The following PLXNA4 variants were observed in gnomAD, a reference collection of about 807,000 sequenced individuals.
PLXNA4 encodes plexin-A4.
In PLXNA4, 44 loss-of-function variants were observed where a neutral mutation model predicts 191.8. That is an observed-to-expected ratio of 0.23 (90% CI 0.18 to 0.29). The LOEUF is 0.29. PLXNA4 is among the 10% of genes least tolerant of loss of function. PLXNA4 has a pLI of 1.00. For missense variants in PLXNA4, 1,800 were observed against 2,488.8 expected (o/e 0.72, Z 5.89); for synonymous variants, 1,082 against 1,009.5 (o/e 1.07, Z -1.36).
rs570948114 is a variant in PLXNA4 at position 132,476,122 on chromosome 7, A to G, written c.1371+13170T>C. Among the ~76,000 whole-genome samples, 7 of 152,238 alleles carry G rather than the reference A, an allele frequency of 4.6e-5. No homozygotes were observed. The South Asian group carries it at 1.5e-3, about 32-fold the overall frequency. On this transcript the variant is annotated intron_variant, in intron 3 of 31. Transcript: ENST00000321063. Reference sequence around the variant, plus strand: ...TGGGTGTTTGTGCATGTTTATGACTATGGATGTGTGTATGGAGAGGGGATA... The same window carrying G: ...TGGGTGTTTGTGCATGTTTATGACTGTGGATGTGTGTATGGAGAGGGGATA...
chr7:132,140,515 T>G, intron 30 of PLXNA4, 84 bp downstream of exon 30: 1 of 1,538,700 alleles, frequency 6.5e-7, no homozygotes, highest in South Asian at 1.2e-5. Context: ...CACAGCTGGT[T>G]TTTGATGGGG....
At chr7:132,422,862 C>A (rs1257887751) in intron 3 of PLXNA4, among the ~76,000 whole-genome samples, 2 of 152,178 alleles carry the variant, frequency 1.3e-5, no homozygotes, top group Non-Finnish European at 2.9e-5. Flanking sequence ...CTGGATAACC[C>A]CAGAAGATGG....
intron 3 of PLXNA4, among the ~76,000 whole-genome samples, chr7:132,425,312 A>C (rs775401842): frequency 2.0e-5 from 3 of 152,184 alleles, no homozygotes; most frequent in Admixed American, 6.5e-5. Flanking sequence ...AAAAGTCATA[A>C]ATTTCTAACT....
chr7:132,557,874 T>C (rs1800871044), intron 1 of PLXNA4, among the ~76,000 whole-genome samples: 1 of 152,082 alleles, frequency 6.6e-6, no homozygotes, highest in Admixed American at 6.6e-5. Context: ...CCCTCTACTG[T>C]CCTACCATTC....
chr7:132,324,012 A>T (rs1156854044), intron 3 of PLXNA4, among the ~76,000 whole-genome samples: 1 of 152,178 alleles, frequency 6.6e-6, no homozygotes, highest in Admixed American at 6.5e-5. Flanking sequence ...CTAGGCAGGG[A>T]TCATCAGAGA....
intron 1 of PLXNA4, among the ~76,000 whole-genome samples, chr7:132,536,524 C>T (rs1163989488): frequency 1.3e-5 from 2 of 152,192 alleles, no homozygotes; most frequent in Admixed American, 1.3e-4. Flanking sequence ...TCCTTCAGCC[C>T]CTGCAGGGCC....
chr7:132,393,683 G>C (rs1793619787), intron 3 of PLXNA4, among the ~76,000 whole-genome samples: 2 of 152,214 alleles, frequency 1.3e-5, no homozygotes, highest in South Asian at 4.1e-4. Context: ...AGACAAAAGA[G>C]TAAGTAGACA....
intron 3 of PLXNA4, among the ~76,000 whole-genome samples, chr7:132,343,256 G>A (rs1426512921): frequency 6.6e-6 from 1 of 152,088 alleles, no homozygotes; most frequent in Non-Finnish European, 1.5e-5. Flanking sequence ...ACATAAAATT[G>A]ACCATCTTAA....
intron 3 of PLXNA4, among the ~76,000 whole-genome samples, chr7:132,450,643 C>T (rs2021781): frequency 0.7 from 106,604 of 152,180 alleles, 43,424 homozygotes; most frequent in Non-Finnish European, 0.91. Flanking sequence ...CTGAAGTCAA[C>T]GGTGGCATCA....
intron 3 of PLXNA4, among the ~76,000 whole-genome samples, chr7:132,461,006 T>C (rs1025218337): frequency 1.3e-5 from 2 of 152,060 alleles, no homozygotes; most frequent in Non-Finnish European, 2.9e-5. Context: ...TGAGATAGAT[T>C]TACCAAAAGG....
intron 3 of PLXNA4, among the ~76,000 whole-genome samples, chr7:132,340,135 CTG>C (rs1053342056): frequency 3.9e-5 from 6 of 152,176 alleles, no homozygotes; most frequent in Admixed American, 3.9e-4. Context: ...CTGAGGGAGT[CTG>C]TGGCAGTTGA....
At chr7:132,148,993 A>C (rs1177326334) in intron 25 of PLXNA4, among the ~76,000 whole-genome samples, 1 of 152,242 alleles carries the variant, frequency 6.6e-6, no homozygotes, top group Non-Finnish European at 1.5e-5. Context: ...GCTTTGACAA[A>C]GCATGAGGCA....
intron 2 of PLXNA4, among the ~76,000 whole-genome samples, chr7:132,643,248 T>C (rs1803786460): frequency 6.6e-6 from 1 of 152,172 alleles, no homozygotes; most frequent in African/African-American, 2.4e-5. Flanking sequence ...TCTGGTATTG[T>C]TTTTCTGCTG....
intron 9 of PLXNA4, among the ~76,000 whole-genome samples, chr7:132,217,349 G>C (rs1797995589): frequency 6.6e-6 from 1 of 152,320 alleles, no homozygotes; most frequent in East Asian, 1.9e-4. Flanking sequence ...GAGAGAAAAG[G>C]CTGCCTTCAG....
rs201016198 is a variant in PLXNA4 at position 132,307,024 on chromosome 7, G to A, written c.1372-8802C>T. Among the ~76,000 whole-genome samples the A allele has an allele frequency of 2.6e-4, 40 of 152,252 alleles. No individual in the cohort carries two copies. The East Asian group carries it at 6.6e-3, about 25-fold the overall frequency. The stretch of plus-strand genomic sequence containing the variant: ...CAGAAAGGGGACCTTCCTTGTGGAA[G>A]AGCTGCCTAGTTTGCAGGCTGGTAG... On this transcript the variant is annotated intron_variant, in intron 3 of 31. Coordinates refer to ENST00000321063, the MANE Select transcript of PLXNA4 (RefSeq NM_020911.2).
In PLXNA4 at chr7:132,140,630, C is replaced by T; in HGVS notation, c.5407G>A (p.Asp1803Asn). The change falls in exon 30 of 32, where the codon GAC becomes AAC. Residue 1803 changes from aspartate to asparagine, a missense_variant. By Grantham distance (23) the Asp-to-Asn change is conservative. This residue lies in a region of PLXNA4 where 101 missense variants were observed against 182.8 expected (regional missense o/e 0.55). Coordinates refer to ENST00000321063, the MANE Select transcript of PLXNA4 (RefSeq NM_020911.2). ...ACCCAATTCTTGTAGCTGGGGATGT[C>T]CTTGGCATACAGCAGCTTGTTGGAG... Reference protein sequence around the residue: ...SPSNKLLYAKDIPSYKNWVER... With the variant: ...SPSNKLLYAKNIPSYKNWVER... The T allele has an allele frequency of 6.2e-7, 1 of 1,614,060 alleles. No homozygotes were observed. The highest frequency in any genetic ancestry group is 8.5e-7 in the Non-Finnish European group (1 of 1,180,012).
intron 2 of PLXNA4, among the ~76,000 whole-genome samples, chr7:132,611,565 C>T (rs910166775): frequency 3.9e-5 from 6 of 152,196 alleles, no homozygotes; most frequent in African/African-American, 1.4e-4. Flanking sequence ...CACGTCATAA[C>T]GTGCACCCAA....
chr7:132,233,784 G>A (rs1261773567), intron 5 of PLXNA4, among the ~76,000 whole-genome samples: 1 of 152,254 alleles, frequency 6.6e-6, no homozygotes, highest in African/African-American at 2.4e-5. Context: ...CCTTCATTGA[G>A]AAGCCATGTT....
At chr7:132,330,194 ATTGT>A (rs1283584732) in intron 3 of PLXNA4, among the ~76,000 whole-genome samples, 1 of 152,098 alleles carries the variant, frequency 6.6e-6, no homozygotes, top group Non-Finnish European at 1.5e-5. Flanking sequence ...AAGGACCTGG[ATTGT>A]TTGGGGGCAG....
Sources: allele counts gnomAD v4.1 joint callset (sites outside exome capture counted in the v4.1 genomes callset), GRCh38; gene constraint gnomAD v4.1.1; regional missense constraint gnomAD v4.1.1; transcripts MANE v1.5; gene names NCBI Gene and HGNC (gene_info 2026-07-23, HGNC 2026-07-21).